Variants in INSL6 observed in about 807,000 individuals in gnomAD.
INSL6 encodes insulin like 6, also known as insulin-like peptide INSL6.
Under a neutral mutation model 9.4 loss-of-function variants are expected in INSL6, and 16 were observed. That is an observed-to-expected ratio of 1.70 (90% CI 1.15 to 2.59). The LOEUF (loss-of-function observed/expected upper bound fraction) is 2.59. Among genes scored for constraint, INSL6 ranks in the 30% most tolerant of loss-of-function variants. INSL6 has a pLI of 0.00. For synonymous variants in INSL6, 154 were observed against 96.9 expected (o/e 1.59, Z -3.46); for missense variants, 391 against 257.3 (o/e 1.52, Z -3.56).
At chr9:5,010,364 C>T in the INSL6 span, among the ~76,000 whole-genome samples, 1 of 138,596 alleles carries the variant, frequency 7.2e-6, no homozygotes, top group African/African-American at 2.9e-5. Context: ...CGCTCTGTCG[C>T]CCAGGCTGGA....
chr9:5,090,500 A>G, the INSL6 span: 1 of 1,592,242 alleles, frequency 6.3e-7, no homozygotes, highest in East Asian at 2.3e-5. Context: ...AGTTTACGAG[A>G]CTATCTTCAA....
At chr9:5,070,110 T>C in the INSL6 span, 1 of 1,260,268 alleles carries the variant, frequency 7.9e-7, no homozygotes, top group Non-Finnish European at 1.1e-6. Context: ...ACATCTGTTT[T>C]CTTGATTTAC....
At chr9:5,042,446 C>G in the INSL6 span, among the ~76,000 whole-genome samples, 3 of 152,070 alleles carry the variant, frequency 2.0e-5, no homozygotes, top group Non-Finnish European at 2.9e-5. Context: ...CAAGACTGGC[C>G]AAAATTTCTA....
At chr9:5,022,538 A>G in the INSL6 span, among the ~76,000 whole-genome samples, 1 of 152,262 alleles carries the variant, frequency 6.6e-6, no homozygotes, top group African/African-American at 2.4e-5. Flanking sequence ...TGAGAGCAAC[A>G]TGAAAGCAAA....
the INSL6 span, among the ~76,000 whole-genome samples, chr9:5,001,339 AT>A: frequency 6.6e-6 from 1 of 152,110 alleles, no homozygotes; most frequent in Non-Finnish European, 1.5e-5. Context: ...GATGATCTTT[AT>A]TTTATTGAGG....
intron 2 of INSL6, among the ~76,000 whole-genome samples, chr9:5,134,850 A>C (rs1824361060): frequency 6.6e-6 from 1 of 152,202 alleles, no homozygotes; most frequent in Non-Finnish European, 1.5e-5. Context: ...TTAACCTTAA[A>C]TGTAAATGAG....
chr9:5,164,217 A>T lies in INSL6; in HGVS notation c.338T>A (p.Leu113Gln). Residue 113 changes from leucine (L) to glutamine (Q), a missense_variant, in exon 2 of 2, where the codon CTA becomes CAA. Coordinates refer to ENST00000381641, the MANE Select transcript of INSL6 (RefSeq NM_007179.3). ...TCCCTTTTTATCCTTATACTCAGGT[A>T]GTGACTGCATTTCCCAACTGTTTAC... ...EAVNSWEMQSLPEYKDKKGYS... is the reference protein window; with the variant it reads ...EAVNSWEMQSQPEYKDKKGYS... The T allele has an allele frequency of 6.2e-7, 1 of 1,607,418 alleles. No individual in the cohort carries two copies. Among genetic ancestry groups the T allele is most frequent in the Non-Finnish European group, 8.5e-7 (1 of 1,177,842 alleles).
chr9:5,021,518 A>C, the INSL6 span, among the ~76,000 whole-genome samples: 1 of 152,252 alleles, frequency 6.6e-6, no homozygotes, highest in African/African-American at 2.4e-5. Flanking sequence ...GTAGTAATAC[A>C]CGATATTTAT....
At chr9:5,086,376 C>T in the INSL6 span, among the ~76,000 whole-genome samples, 1 of 142,822 alleles carries the variant, frequency 7.0e-6, no homozygotes, top group African/African-American at 3.0e-5. Flanking sequence ...TTCCTTTTTC[C>T]TCCATGGTGC....
chr9:5,103,416 T>TA, the INSL6 span, among the ~76,000 whole-genome samples: 1 of 151,812 alleles, frequency 6.6e-6, no homozygotes, highest in South Asian at 2.1e-4. Context: ...CCAAGATTCA[T>TA]AAAGCAAGTC....
intron 1 of INSL6, among the ~76,000 whole-genome samples, chr9:5,183,942 G>A (rs1235820305): frequency 1.3e-5 from 2 of 152,272 alleles, no homozygotes; most frequent in African/African-American, 4.8e-5. Context: ...TGATTCATAT[G>A]CACATTAAAG....
chr9:5,093,961 C>G, the INSL6 span, among the ~76,000 whole-genome samples: 11 of 152,032 alleles, frequency 7.2e-5, no homozygotes, highest in Admixed American at 7.2e-4. Flanking sequence ...ATAAAGTGCC[C>G]TCCCCCCATA....
chr9:5,163,218 G>A (rs1441042109), downstream of INSL6, among the ~76,000 whole-genome samples: 1 of 152,196 alleles, frequency 6.6e-6, no homozygotes, highest in South Asian at 2.1e-4. Context: ...AAGTTCCCAC[G>A]TGATGCTGAT....
the INSL6 span, among the ~76,000 whole-genome samples, chr9:5,016,915 A>G: frequency 6.6e-6 from 1 of 152,258 alleles, no homozygotes; most frequent in African/African-American, 2.4e-5. Flanking sequence ...TTGACGGCAT[A>G]GTAGCTGAGA....
chr9:5,044,304 G>C, the INSL6 span: 2 of 752,350 alleles, frequency 2.7e-6, no homozygotes, highest in African/African-American at 1.8e-5. Context: ...TCTAAGTATG[G>C]GATAATACCT....
At chr9:4,993,944 G>A in the INSL6 span, among the ~76,000 whole-genome samples, 1 of 152,190 alleles carries the variant, frequency 6.6e-6, no homozygotes, top group South Asian at 2.1e-4. Context: ...GTCTCAGACT[G>A]AGTGATCATG....
chr9:5,044,548 T>G, the INSL6 span: 1 of 1,278,402 alleles, frequency 7.8e-7, no homozygotes, highest in Non-Finnish European at 1.1e-6. Flanking sequence ...TACTTGTACA[T>G]GAGTTAAATG....
chr9:5,041,686 G>A, the INSL6 span: 1 of 511,528 alleles, frequency 2.0e-6, no homozygotes, highest in Non-Finnish European at 3.9e-6. Context: ...CTCTTCGACC[G>A]AAGCGGCTTC....
the INSL6 span, among the ~76,000 whole-genome samples, chr9:5,104,890 G>T: frequency 6.6e-6 from 1 of 152,092 alleles, no homozygotes; most frequent in Non-Finnish European, 1.5e-5. Context: ...AATAAACTAG[G>T]TATTGATGGA....
Sources: allele counts gnomAD v4.1 joint callset (sites outside exome capture counted in the v4.1 genomes callset), GRCh38; gene constraint gnomAD v4.1.1; transcripts MANE v1.5; gene names NCBI Gene and HGNC (gene_info 2026-07-23, HGNC 2026-07-21).